Variants in LCP1 observed in about 807,000 individuals in gnomAD.
LCP1 encodes plastin-2.
LCP1 carries 23 observed loss-of-function variants against 72.0 expected under a neutral mutation model. The observed-to-expected ratio is 0.32, with a 90% CI of 0.23 to 0.45. LCP1 has a LOEUF of 0.45. Among genes scored for constraint, LCP1 ranks in the 20% least tolerant of loss-of-function variants. The probability of loss-of-function intolerance (pLI) is 1.00; values close to 1 mark genes in which losing one functional copy is unlikely to be tolerated. For missense variants in LCP1, 571 were observed against 748.3 expected (o/e 0.76, Z 2.76); for synonymous variants, 245 against 275.4 (o/e 0.89, Z 1.09).
intron 1 of LCP1, among the ~76,000 whole-genome samples, chr13:46,176,950 G>GT (rs1424389215): frequency 6.6e-6 from 1 of 152,004 alleles, no homozygotes; most frequent in Non-Finnish European, 1.5e-5. Context: ...TTCTGTCCAT[G>GT]TAACAGATGC....
At chr13:46,130,301 T>C (rs980286878) in intron 15 of LCP1, among the ~76,000 whole-genome samples, 1 of 152,218 alleles carries the variant, frequency 6.6e-6, no homozygotes, top group Admixed American at 6.5e-5. Context: ...TGCAAATGAA[T>C]AGGCTCTGTT....
chr13:46,174,125 A>G (rs2045916740), intron 1 of LCP1, among the ~76,000 whole-genome samples: 1 of 152,258 alleles, frequency 6.6e-6, no homozygotes, highest in African/African-American at 2.4e-5. Flanking sequence ...ACATTTGTAT[A>G]CAAGCAATGA....
At chr13:46,161,706 T>C (rs764364391) in intron 1 of LCP1, among the ~76,000 whole-genome samples, 7 of 152,142 alleles carry the variant, frequency 4.6e-5, no homozygotes, top group South Asian at 2.1e-4. Flanking sequence ...AATGATGTAA[T>C]TGATAAGAAA....
At chr13:46,145,675 C>T (rs1349469255) in intron 10 of LCP1, among the ~76,000 whole-genome samples, 1 of 77,614 alleles carries the variant, frequency 1.3e-5, no homozygotes, top group Non-Finnish European at 2.6e-5. Flanking sequence ...TTTGGGAGGC[C>T]GAGGCGGGCG....
chr13:46,138,112 T>A (rs866232133), intron 13 of LCP1, among the ~76,000 whole-genome samples: 2 of 152,244 alleles, frequency 1.3e-5, no homozygotes, highest in African/African-American at 4.8e-5. Flanking sequence ...AAGGGTTTTA[T>A]CTGCAAGTTT....
chr13:46,132,638 G>A (rs995739299), intron 14 of LCP1, among the ~76,000 whole-genome samples: 13 of 152,040 alleles, frequency 8.6e-5, no homozygotes, highest in Admixed American at 6.6e-4. Flanking sequence ...TCTCTTTCTG[G>A]AAGAATCTGC....
intron 4 of LCP1, among the ~76,000 whole-genome samples, chr13:46,156,910 C>T (rs2045805264): frequency 6.6e-6 from 1 of 151,372 alleles, no homozygotes; most frequent in South Asian, 2.1e-4. Flanking sequence ...CAAGCTCTGC[C>T]TCCTGGTTCA....
Position 46,142,343 on chromosome 13 carries a change from T to C in LCP1, c.1451A>G (p.Asn484Ser), listed in dbSNP as rs1296734392. 1.9e-6 allele frequency: 3 copies of C among 1,614,094 alleles called. No homozygotes were observed. Among genetic ancestry groups the C allele is most frequent in the Middle Eastern group, 1.7e-4 (1 of 6,060 alleles). The change falls in exon 13 of 16, where the codon AAT becomes AGT. Residue 484 changes from asparagine (N) to serine (S), a missense_variant. Coordinates refer to ENST00000323076, the MANE Select transcript of LCP1 (RefSeq NM_002298.5). ...SLVGIGGQDL[N>S]EGNRTLTLAL... ...CAGTGTGAGAGTGCGGTTTCCTTCATTGAGATCTTGTCCACCGATGCCAAC... is the reference window on the plus strand; with the variant it reads ...CAGTGTGAGAGTGCGGTTTCCTTCACTGAGATCTTGTCCACCGATGCCAAC...
intron 5 of LCP1, 59 bp from the exon 6 acceptor site, chr13:46,154,945 C>T (rs371649242): frequency 8.0e-5 from 105 of 1,306,472 alleles, no homozygotes; most frequent in Non-Finnish European, 9.6e-5. Flanking sequence ...AGCCCAGTAA[C>T]GTTGAATTTA....
intron 5 of LCP1, 29 bp downstream of exon 5, chr13:46,156,409 T>C (rs2045801259): frequency 1.9e-6 from 3 of 1,607,052 alleles, no homozygotes; most frequent in Non-Finnish European, 2.6e-6. Flanking sequence ...GGGCAATTCT[T>C]TGGAAACCAA....
At chr13:46,141,614 C>G (rs577454957) in intron 13 of LCP1, among the ~76,000 whole-genome samples, 1 of 152,076 alleles carries the variant, frequency 6.6e-6, no homozygotes, top group East Asian at 1.9e-4. Context: ...AAAAAACTAT[C>G]AACTTAGAAT....
intron 13 of LCP1, among the ~76,000 whole-genome samples, chr13:46,136,936 T>C (rs1478744160): frequency 6.6e-6 from 1 of 152,176 alleles, no homozygotes; most frequent in East Asian, 1.9e-4. Flanking sequence ...AGCAGTGTTC[T>C]TGACCCACCT....
chr13:46,158,743 G>C (rs117524504), intron 3 of LCP1, 83 bp downstream of exon 3: 55 of 1,601,094 alleles, frequency 3.4e-5, no homozygotes, highest in Non-Finnish European at 4.6e-5. Flanking sequence ...AGGAGGTAAG[G>C]AATGTCTTTC....
chr13:46,133,644 G>A (rs961886988), intron 14 of LCP1, among the ~76,000 whole-genome samples: 2 of 150,648 alleles, frequency 1.3e-5, no homozygotes, highest in Admixed American at 6.6e-5. Context: ...GATATGAAAA[G>A]TAAACATAAA....
At chr13:46,173,497 CTT>C (rs1248412544) in intron 1 of LCP1, among the ~76,000 whole-genome samples, 3 of 152,158 alleles carry the variant, frequency 2.0e-5, no homozygotes, top group African/African-American at 7.2e-5. Flanking sequence ...AGAACTAGAA[CTT>C]TTGCAAAATT....
In LCP1 at chr13:46,152,871, C is replaced by T. The variant is rs751521636; in HGVS notation, c.648G>A (p.Leu216=). 2 of 1,614,170 alleles carry T rather than the reference C, an allele frequency of 1.2e-6. No individual in the cohort carries two copies. The highest frequency in any genetic ancestry group is 3.3e-5 in the Admixed American group (2 of 60,026). ...CHVVNIGAED[L]KEGKPYLVLG... ...GGACCAGATAAGGCTTCCCCTCCTTCAGGTCCTCAGCCCCTATGTTGACCA... is the reference window on the plus strand; with the variant it reads ...GGACCAGATAAGGCTTCCCCTCCTTTAGGTCCTCAGCCCCTATGTTGACCA... The change falls in exon 7 of 16, where the codon CTG becomes CTA. Residue 216 remains leucine (L), a synonymous_variant. Transcript: ENST00000323076.
At chr13:46,153,441 C>T (rs1424494759) in intron 6 of LCP1, among the ~76,000 whole-genome samples, 6 of 152,006 alleles carry the variant, frequency 3.9e-5, no homozygotes, top group Non-Finnish European at 7.4e-5. Context: ...TGGCTCATGC[C>T]CATAATCCCG....
At chr13:46,142,548 T>A (rs2146879) in intron 12 of LCP1, 123 bp from the exon 13 acceptor site, 17 of 1,037,216 alleles carry the variant, frequency 1.6e-5, no homozygotes, top group Non-Finnish European at 2.4e-5. Context: ...ACCTCTCAAG[T>A]CTCAACTGGT....
In LCP1 at chr13:46,150,766, G is replaced by A. The variant is rs187578216; in HGVS notation, c.882+170C>T. 3.7e-3 allele frequency among the ~76,000 whole-genome samples: 558 copies of A among 152,270 alleles called. 1 individual carries two copies. The highest frequency in any genetic ancestry group is 5.9e-3 in the Non-Finnish European group (404 of 68,032). ...CTGGGCAGGTCTGTGTATGGCCCAGGACTAGAGCAGCAGATGGGCTCTCAA... is the reference window on the plus strand; with the variant it reads ...CTGGGCAGGTCTGTGTATGGCCCAGAACTAGAGCAGCAGATGGGCTCTCAA... On this transcript the variant is annotated intron_variant, in intron 8 of 15. Coordinates refer to ENST00000323076, the MANE Select transcript of LCP1 (RefSeq NM_002298.5).
Sources: allele counts gnomAD v4.1 joint callset (sites outside exome capture counted in the v4.1 genomes callset), GRCh38; gene constraint gnomAD v4.1.1; transcripts MANE v1.5; gene names NCBI Gene and HGNC (gene_info 2026-07-23, HGNC 2026-07-21).